The following CHST9 variants were observed in gnomAD, a reference collection of about 807,000 sequenced individuals.
The protein encoded by CHST9 is carbohydrate sulfotransferase 9.
In CHST9, 41 loss-of-function variants were observed where a neutral mutation model predicts 44.4. The observed-to-expected ratio is 0.92, with a 90% confidence interval of 0.72 to 1.20. The LOEUF is 1.20. CHST9 is among the 50% of genes most tolerant of loss of function. The pLI is 0.00. For synonymous variants in CHST9, 171 were observed against 178.4 expected (o/e 0.96, Z 0.33); for missense variants, 504 against 516.5 (o/e 0.98, Z 0.23).
At chr18:27,144,258 G>A (rs2058593778) in intron 1 of CHST9, among the ~76,000 whole-genome samples, 2 of 152,208 alleles carry the variant, frequency 1.3e-5, no homozygotes, top group Admixed American at 6.5e-5. Flanking sequence ...AATATTTGAG[G>A]AGAGTCTTTG....
intron 1 of CHST9, among the ~76,000 whole-genome samples, chr18:27,179,664 C>G (rs991716683): frequency 5.3e-5 from 8 of 151,944 alleles, no homozygotes; most frequent in African/African-American, 1.7e-4. Context: ...TCCTATTTAG[C>G]TAAATGTTAT....
chr18:27,180,298 G>A (rs73406669), intron 1 of CHST9, among the ~76,000 whole-genome samples: 1,929 of 152,166 alleles, frequency 0.013, 45 homozygotes, highest in African/African-American at 0.044. Context: ...ATCCCTGAGC[G>A]TTAGTAGTGA....
At chr18:27,023,274 A>G (rs2057246541) in intron 4 of CHST9, among the ~76,000 whole-genome samples, 1 of 152,206 alleles carries the variant, frequency 6.6e-6, no homozygotes, top group South Asian at 2.1e-4. Flanking sequence ...ATTAGAATTT[A>G]TATTTATAAA....
At chr18:27,106,568 T>G (rs1435524961) in intron 2 of CHST9, among the ~76,000 whole-genome samples, 1 of 152,202 alleles carries the variant, frequency 6.6e-6, no homozygotes, top group Non-Finnish European at 1.5e-5. Flanking sequence ...TTCTAGATTA[T>G]TTTGAATGCA....
intron 4 of CHST9, among the ~76,000 whole-genome samples, chr18:26,991,322 T>A (rs1280197808): frequency 6.6e-6 from 1 of 152,154 alleles, no homozygotes; most frequent in East Asian, 1.9e-4. Context: ...GAATCAAAGA[T>A]GATTCCAAGT....
chr18:27,065,598 T>TC (rs1411719403), intron 2 of CHST9, among the ~76,000 whole-genome samples: 1 of 151,088 alleles, frequency 6.6e-6, no homozygotes, highest in Non-Finnish European at 1.5e-5. Flanking sequence ...TTTTTTTTTT[T>TC]TTTTGAGAGA....
chr18:27,067,210 T>C (rs993790367), intron 2 of CHST9, among the ~76,000 whole-genome samples: 1 of 152,102 alleles, frequency 6.6e-6, no homozygotes, highest in Admixed American at 6.6e-5. Context: ...TAAACTGCAC[T>C]GACACTTCAC....
intron 2 of CHST9, among the ~76,000 whole-genome samples, chr18:27,121,377 T>C (rs1471857893): frequency 1.3e-5 from 2 of 152,086 alleles, no homozygotes; most frequent in Non-Finnish European, 2.9e-5. Flanking sequence ...GTACTGCCCC[T>C]ACTCCCCCTC....
At chr18:27,111,577 C>T (rs1205652020) in intron 2 of CHST9, among the ~76,000 whole-genome samples, 1 of 152,108 alleles carries the variant, frequency 6.6e-6, no homozygotes, top group Admixed American at 6.5e-5. Context: ...TTCAAGAGTG[C>T]CACACAAACT....
rs17694469 is a variant in CHST9 at position 26,917,226 on chromosome 18, C to A, written c.365G>T (p.Ser122Ile). The A allele has an allele frequency of 1.9e-6, 3 of 1,613,786 alleles. No homozygotes were observed. The highest frequency in any genetic ancestry group is 2.2e-5 in the East Asian group (1 of 44,878). Residue 122 changes from serine (S) to isoleucine (I), a missense_variant, in exon 6 of 6, where the codon AGT (serine) becomes ATT (isoleucine). Ser to Ile is a moderately radical substitution (Grantham distance 142). Transcript: ENST00000618847. Reference sequence around the variant, plus strand: ...CTCTGTTGGTGACCCTGTGGACTTACTTAAAGCTTGATCCCCTCCTTGTGA... The same window carrying A: ...CTCTGTTGGTGACCCTGTGGACTTAATTAAAGCTTGATCCCCTCCTTGTGA... Reference protein sequence around the residue: ...SHSQGGDQALSKSTGSPTEKL... With the variant: ...SHSQGGDQALIKSTGSPTEKL...
intron 2 of CHST9, among the ~76,000 whole-genome samples, chr18:27,116,824 A>G (rs150185500): frequency 1.3e-4 from 20 of 152,214 alleles, no homozygotes; most frequent in South Asian, 6.2e-4. Context: ...TGTTAAATGT[A>G]TCCTTAATTT....
At chr18:27,025,475 G>T (rs12458099) in intron 3 of CHST9, among the ~76,000 whole-genome samples, 1 of 151,744 alleles carries the variant, frequency 6.6e-6, no homozygotes, top group Non-Finnish European at 1.5e-5. Context: ...CAAATTTCAC[G>T]TGTGCCAAAA....
At chr18:26,940,094 C>T (rs901612585) in intron 5 of CHST9, among the ~76,000 whole-genome samples, 1 of 152,172 alleles carries the variant, frequency 6.6e-6, no homozygotes, top group African/African-American at 2.4e-5. Flanking sequence ...CCTGACCTCT[C>T]TCAATAAGGG....
Position 27,075,160 on chromosome 18 carries a change from T to G in CHST9, c.122-26657A>C, listed in dbSNP as rs909505017. 3.3e-4 allele frequency among the ~76,000 whole-genome samples: 43 copies of G among 132,022 alleles called. 1 individual carries two copies. The highest frequency in any genetic ancestry group is 2.5e-3 in the South Asian group (11 of 4,350). 86.6% of individuals were successfully genotyped at this position (132,022 alleles called of 152,430 possible). A position where few individuals can be genotyped will look rare whatever the true frequency, so the allele number is the denominator to read the frequency against. On this transcript the variant is annotated intron_variant, in intron 2 of 5. Coordinates refer to ENST00000618847, the MANE Select transcript of CHST9 (RefSeq NM_031422.6). ...AGGGTTTTGGGGGTTGCTTTTTTTG[T>G]TTGTTTTTTTTGTTTTTTGTTTTTT...
chr18:26,932,611 T>C (rs909896128), intron 5 of CHST9, among the ~76,000 whole-genome samples: 1 of 152,172 alleles, frequency 6.6e-6, no homozygotes, highest in Admixed American at 6.5e-5. Context: ...CCAAGGAACC[T>C]GGTCCCCATG....
At chr18:27,183,930 A>T (rs186272418) in intron 1 of CHST9, among the ~76,000 whole-genome samples, 40 of 152,282 alleles carry the variant, frequency 2.6e-4, no homozygotes, top group Non-Finnish European at 5.3e-4. Flanking sequence ...TAAATACTAA[A>T]TATGGTCACA....
intron 4 of CHST9, among the ~76,000 whole-genome samples, chr18:26,959,667 C>T (rs1210785415): frequency 1.3e-5 from 2 of 152,116 alleles, no homozygotes; most frequent in African/African-American, 4.8e-5. Context: ...TAAATGGTTG[C>T]ACTGAACTTA....
intron 1 of CHST9, among the ~76,000 whole-genome samples, chr18:27,149,613 T>C (rs2058644078): frequency 6.6e-6 from 1 of 151,480 alleles, no homozygotes; most frequent in Non-Finnish European, 1.5e-5. Context: ...TTTTTTTTTT[T>C]CTTTTTACAT....
chr18:27,159,739 G>A lies in CHST9; in HGVS notation c.-96-16834C>T, dbSNP rs1176638326. 5.9e-5 allele frequency among the ~76,000 whole-genome samples: 9 copies of A among 152,298 alleles called. No individual in the cohort carries two copies. In the South Asian group the frequency reaches 1.7e-3, roughly 28 times the overall value. The stretch of plus-strand genomic sequence containing the variant: ...CACGATATTGAGTCTTCCTACCCAT[G>A]AGCATGGAATGTTCTTCCATTTGTT... On this transcript the variant is annotated intron_variant, in intron 1 of 5. Transcript: ENST00000618847.
Sources: gnomAD v4.1 joint callset for allele counts (sites outside exome capture counted in the v4.1 genomes callset) on GRCh38, gnomAD v4.1.1 for gene constraint, MANE v1.5 for transcripts, NCBI Gene and HGNC (gene_info 2026-07-23, HGNC 2026-07-21) for gene names.